CDC42BPA: variants seen among roughly 807,000 people sequenced by gnomAD.
CDC42BPA encodes the protein serine/threonine-protein kinase MRCK alpha.
Under a neutral mutation model 223.5 loss-of-function variants are expected in CDC42BPA, and 80 were observed. The observed-to-expected ratio is 0.36, with a 90% CI of 0.30 to 0.43. The LOEUF (loss-of-function observed/expected upper bound fraction) is 0.43. CDC42BPA is among the 20% of genes least tolerant of loss of function. The pLI, the probability that CDC42BPA is intolerant of heterozygous loss-of-function variation, is 1.00. For synonymous variants in CDC42BPA, 694 were observed against 718.6 expected, an observed-to-expected ratio of 0.97 and a Z score of 0.55; for missense variants, 1,743 against 2,099.9, an observed-to-expected ratio of 0.83 and a Z score of 3.32.
At chr1:227,158,476 G>A (rs1369885360) in intron 6 of CDC42BPA, among the ~76,000 whole-genome samples, 1 of 151,840 alleles carries the variant, frequency 6.6e-6, no homozygotes, top group Non-Finnish European at 1.5e-5. Context: ...TCTTATGTAA[G>A]CACATAAAAA....
chr1:227,260,968 C>A (rs1472475558), intron 1 of CDC42BPA, among the ~76,000 whole-genome samples: 1 of 150,848 alleles, frequency 6.6e-6, no homozygotes, highest in African/African-American at 2.5e-5. Flanking sequence ...TGTGACTATA[C>A]ATTAATGAGT....
At chr1:227,183,372 C>T (rs905597550) in intron 5 of CDC42BPA, 2 of 152,144 alleles carry the variant, frequency 1.3e-5, no homozygotes, top group African/African-American at 4.8e-5. Context: ...GGCCCTGTCC[C>T]CTGGAAATTA....
chr1:227,163,057 T>C (rs1664330523), intron 5 of CDC42BPA, among the ~76,000 whole-genome samples: 1 of 78,530 alleles, frequency 1.3e-5, no homozygotes, highest in East Asian at 2.8e-4. Flanking sequence ...TATGTGTATG[T>C]TTCCAAACAT....
rs556638242 is a variant in CDC42BPA at position 227,304,132 on chromosome 1, C to T, written c.178+12873G>A. On this transcript the variant is annotated intron_variant, in intron 1 of 36. Coordinates refer to ENST00000366766, the MANE Select transcript of CDC42BPA (RefSeq NM_001394014.1). ...AATCACTTTTGACCACATGTGGTGG[C>T]GCCTGTAATCACGCCGGTAATCCTG... 5.3e-5 allele frequency among the ~76,000 whole-genome samples: 8 copies of T among 152,288 alleles called. No homozygotes were observed. The South Asian group carries it at 1.4e-3, about 28-fold the overall frequency.
chr1:227,215,535 G>A (rs943525117), intron 2 of CDC42BPA, among the ~76,000 whole-genome samples: 3 of 152,170 alleles, frequency 2.0e-5, no homozygotes, highest in Admixed American at 1.3e-4. Flanking sequence ...GGGACAAAAT[G>A]AGACCCATTC....
intron 12 of CDC42BPA, among the ~76,000 whole-genome samples, chr1:227,115,820 T>C (rs1192202073): frequency 6.6e-6 from 1 of 151,614 alleles, no homozygotes; most frequent in African/African-American, 2.4e-5. Context: ...GGAATGCAAT[T>C]CAACTCTTTC....
chr1:227,113,842 A>C (rs923698299), intron 12 of CDC42BPA, among the ~76,000 whole-genome samples: 2 of 149,798 alleles, frequency 1.3e-5, no homozygotes, highest in Non-Finnish European at 3.0e-5. Context: ...GTGAGACCTT[A>C]TCTCTACAAA....
intron 32 of CDC42BPA, among the ~76,000 whole-genome samples, chr1:227,019,609 G>T (rs906497513): frequency 1.3e-5 from 2 of 152,168 alleles, no homozygotes; most frequent in Admixed American, 1.3e-4. Flanking sequence ...TTTCTTAAAT[G>T]ATCAGACTTG....
In CDC42BPA at chr1:227,016,953, T is replaced by A. The variant is rs756820444; in HGVS notation, c.4713A>T (p.Pro1571=). 3.1e-6 allele frequency: 5 copies of A among 1,613,186 alleles called. No homozygotes were observed. Among genetic ancestry groups the A allele is most frequent in the African/African-American group, 1.3e-5 (1 of 75,028 alleles). ...NNKRRYSFRV[P]EEERMQQRRE... Reference sequence around the variant, plus strand: ...TCCTCTGCTGCATCCTTTCCTCTTCTGGGACTCTGAAGGAATAACGCCGCT... The same window carrying A: ...TCCTCTGCTGCATCCTTTCCTCTTCAGGGACTCTGAAGGAATAACGCCGCT... The change falls in exon 33 of 37, where the codon CCA becomes CCT. Residue 1571 remains proline (P), a synonymous_variant. Transcript: ENST00000366766.
intron 30 of CDC42BPA, 110 bp from the exon 31 acceptor site, chr1:227,026,262 C>G: frequency 1.6e-6 from 1 of 609,708 alleles, no homozygotes; most frequent in Non-Finnish European, 2.9e-6. Flanking sequence ...CACCCAAATC[C>G]TATGGGGCTA....
At chr1:226,996,607 A>G (rs1661663324) in intron 35 of CDC42BPA, among the ~76,000 whole-genome samples, 1 of 152,228 alleles carries the variant, frequency 6.6e-6, no homozygotes, top group African/African-American at 2.4e-5. Context: ...TGGGTTTGTC[A>G]TAAATAGCTA....
At chr1:227,191,380 T>C (rs1017309488) in intron 5 of CDC42BPA, among the ~76,000 whole-genome samples, 2 of 151,412 alleles carry the variant, frequency 1.3e-5, no homozygotes, top group South Asian at 2.1e-4. Flanking sequence ...CAGCTTAATA[T>C]AAAATAAAAT....
rs189174401 is a variant in CDC42BPA at position 227,103,289 on chromosome 1, A to G, written c.2002-2050T>C. ...TGATAGTTGAGTAAAGCAATAGCATATAAGATAAACACAAATCAATACTTC... is the reference window on the plus strand; with the variant it reads ...TGATAGTTGAGTAAAGCAATAGCATGTAAGATAAACACAAATCAATACTTC... On this transcript the variant is annotated intron_variant, in intron 14 of 36. Transcript: ENST00000366766. 3.0e-4 allele frequency among the ~76,000 whole-genome samples: 45 copies of G among 152,266 alleles called. 1 individual carries two copies. The East Asian group carries it at 8.5e-3, about 29-fold the overall frequency.
intron 5 of CDC42BPA, among the ~76,000 whole-genome samples, chr1:227,176,039 G>A (rs1002684512): frequency 3.3e-5 from 5 of 152,042 alleles, no homozygotes; most frequent in African/African-American, 9.7e-5. Flanking sequence ...TGCAACCTCC[G>A]CCTCCCAGGT....
At chr1:227,137,621 A>G (rs1658843082) in intron 10 of CDC42BPA, among the ~76,000 whole-genome samples, 1 of 151,900 alleles carries the variant, frequency 6.6e-6, no homozygotes, top group South Asian at 2.1e-4. Context: ...ATATTTACCA[A>G]CAACAGACTG....
chr1:227,139,115 AC>A (rs1659201288), intron 10 of CDC42BPA, among the ~76,000 whole-genome samples: 1 of 152,216 alleles, frequency 6.6e-6, no homozygotes, highest in African/African-American at 2.4e-5. Context: ...GTAAACAATC[AC>A]TGAAGGTGAA....
rs967290028 is a variant in CDC42BPA, at chr1:227,030,142, A to AG, written c.3838+265_3838+266insC. Among the ~76,000 whole-genome samples the AG allele has an allele frequency of 1.1e-4, 16 of 152,252 alleles. No homozygotes were observed. The South Asian group carries it at 1.9e-3, about 18-fold the overall frequency. On this transcript the variant is annotated intron_variant, in intron 29 of 36. Coordinates refer to ENST00000366766, the MANE Select transcript of CDC42BPA (RefSeq NM_001394014.1). ...GAGTGAAACTCTGTCTCCAAAAAAA[A>AG]AAAAAGAAATGCAATCTGAGTTCGT...
chr1:227,303,539 T>C (rs1692036022), intron 1 of CDC42BPA, among the ~76,000 whole-genome samples: 1 of 151,782 alleles, frequency 6.6e-6, no homozygotes, highest in South Asian at 2.1e-4. Flanking sequence ...TGCTCTAGAG[T>C]TTCTACTGCT....
chr1:227,100,862 TC>T, intron 15 of CDC42BPA, 129 bp downstream of exon 15: 2 of 610,556 alleles, frequency 3.3e-6, no homozygotes, highest in Non-Finnish European at 5.5e-6. Context: ...ATTATAATTT[TC>T]TATCTGCCAA....
Sources: allele counts gnomAD v4.1 joint callset (sites outside exome capture counted in the v4.1 genomes callset), GRCh38; gene constraint gnomAD v4.1.1; transcripts MANE v1.5; gene names NCBI Gene and HGNC (gene_info 2026-07-23, HGNC 2026-07-21).